GRIA1: variants seen among roughly 807,000 people sequenced by gnomAD.
GRIA1 encodes glutamate receptor 1.
A neutral mutation model predicts 99.2 loss-of-function variants in GRIA1; 31 were observed. The ratio of observed to expected loss-of-function variants is 0.31; its 90% CI spans 0.23 to 0.42. The LOEUF is 0.42. GRIA1 is among the 10% of genes least tolerant of loss of function. The probability of loss-of-function intolerance (pLI) is 1.00; values close to 1 mark genes in which losing one functional copy is unlikely to be tolerated. For missense variants in GRIA1, 782 were observed against 1,157.5 expected (o/e 0.68, Z 4.71); for synonymous variants, 438 against 432.4 (o/e 1.01, Z -0.16).
intron 2 of GRIA1, among the ~76,000 whole-genome samples, chr5:153,502,942 A>G (rs1755148730): frequency 6.6e-6 from 1 of 152,196 alleles, no homozygotes; most frequent in Non-Finnish European, 1.5e-5. Context: ...TCCTTTTTTG[A>G]ACCTAACAAT....
chr5:153,718,115 A>G (rs1337300196), intron 11 of GRIA1, among the ~76,000 whole-genome samples: 1 of 152,232 alleles, frequency 6.6e-6, no homozygotes, highest in Non-Finnish European at 1.5e-5. Flanking sequence ...CATTAGGCAC[A>G]AGGCTAACTA....
At chr5:153,693,897 A>G (rs1214730120) in intron 8 of GRIA1, among the ~76,000 whole-genome samples, 1 of 152,234 alleles carries the variant, frequency 6.6e-6, no homozygotes, top group East Asian at 1.9e-4. Flanking sequence ...ATGTCTGTTC[A>G]AAAATCTTTG....
At chr5:153,536,853 C>T (rs1272565579) in intron 2 of GRIA1, among the ~76,000 whole-genome samples, 1 of 152,164 alleles carries the variant, frequency 6.6e-6, no homozygotes, top group Non-Finnish European at 1.5e-5. Context: ...ATCAGTATTG[C>T]CAGTGCCTTC....
intron 2 of GRIA1, among the ~76,000 whole-genome samples, chr5:153,536,670 A>G (rs188025719): frequency 1.3e-4 from 20 of 152,338 alleles, no homozygotes; most frequent in Admixed American, 1.2e-3. Flanking sequence ...GAAAATTTCA[A>G]CTAACATGAT....
chr5:153,652,339 T>A (rs1278179534), intron 4 of GRIA1, among the ~76,000 whole-genome samples: 1 of 152,228 alleles, frequency 6.6e-6, no homozygotes, highest in African/African-American at 2.4e-5. Flanking sequence ...ACTACTATTT[T>A]TTTAGTGTGT....
intron 8 of GRIA1, among the ~76,000 whole-genome samples, chr5:153,696,453 A>G (rs1290666734): frequency 4.6e-5 from 7 of 152,212 alleles, no homozygotes; most frequent in Non-Finnish European, 1.0e-4. Context: ...ACCTCGGGCA[A>G]GTTAACACAC....
chr5:153,672,777 C>T (rs1282224363), intron 5 of GRIA1, among the ~76,000 whole-genome samples: 2 of 152,166 alleles, frequency 1.3e-5, no homozygotes, highest in East Asian at 1.9e-4. Context: ...ACTTCTCCAT[C>T]GACCATGGAT....
At position 153,799,659 on chromosome 5, in the gene GRIA1, C is replaced by T. The variant is rs73801340; in HGVS notation, c.2386-2697C>T. Among the ~76,000 whole-genome samples, 649 of 152,310 alleles carry T rather than the reference C, an allele frequency of 4.3e-3. 3 individuals are homozygous for T. Among genetic ancestry groups the T allele is most frequent in the African/African-American group, 0.015 (615 of 41,566 alleles). ...CTTTCCTGATTCCTCTACTACAGAG[C>T]TGTGTCAGCATAAACAGTGATCAAT... is the stretch of plus-strand genomic sequence containing the variant. On this transcript the variant is annotated intron_variant, in intron 14 of 15. Coordinates refer to ENST00000285900, the MANE Select transcript of GRIA1 (RefSeq NM_000827.4).
chr5:153,601,486 G>A (rs1764957515), intron 2 of GRIA1, among the ~76,000 whole-genome samples: 1 of 152,218 alleles, frequency 6.6e-6, no homozygotes, highest in African/African-American at 2.4e-5. Context: ...TGAAGGTCTT[G>A]GGATTAAGGT....
At chr5:153,726,200 A>C (rs963222531) in intron 11 of GRIA1, among the ~76,000 whole-genome samples, 2 of 151,374 alleles carry the variant, frequency 1.3e-5, no homozygotes, top group African/African-American at 4.9e-5. Context: ...AACGAGAACA[A>C]AGACACAACA....
At chr5:153,584,563 T>C (rs991898709) in intron 2 of GRIA1, among the ~76,000 whole-genome samples, 1 of 152,220 alleles carries the variant, frequency 6.6e-6, no homozygotes, top group Non-Finnish European at 1.5e-5. Flanking sequence ...AATCTATTAT[T>C]AATCAGCTAG....
At chr5:153,495,219 T>G (rs1235619613) in intron 2 of GRIA1, among the ~76,000 whole-genome samples, 2 of 152,232 alleles carry the variant, frequency 1.3e-5, no homozygotes, top group African/African-American at 4.8e-5. Context: ...TACTTTATAG[T>G]CATTTATAGT....
intron 2 of GRIA1, among the ~76,000 whole-genome samples, chr5:153,607,196 C>T (rs1431597590): frequency 1.3e-5 from 2 of 151,440 alleles, no homozygotes; most frequent in African/African-American, 4.8e-5. Flanking sequence ...GACTTGTTTT[C>T]CTCTGGGTAG....
intron 3 of GRIA1, among the ~76,000 whole-genome samples, chr5:153,648,144 GA>G (rs1381497898): frequency 4.6e-5 from 7 of 152,220 alleles, no homozygotes; most frequent in Non-Finnish European, 8.8e-5. Flanking sequence ...AGAGGTTTGT[GA>G]AAGTGATTTT....
chr5:153,686,271 G>C lies in GRIA1; in HGVS notation c.1076G>C (p.Gly359Ala). The change falls in exon 8 of 16, where the codon GGA becomes GCA. Residue 359 changes from glycine (G) to alanine (A), a missense_variant. Gly to Ala is a moderately conservative substitution (Grantham distance 60). Around this residue, in one of 5 missense-constraint regions of GRIA1, gnomAD observed 461 missense variants for 521.7 expected, o/e 0.88. Coordinates refer to ENST00000285900, the MANE Select transcript of GRIA1 (RefSeq NM_000827.4). ...LTGNVQFNEK[G>A]RRTNYTLHVI... ...GGAAACGTGCAGTTTAATGAGAAAGGACGCCGGACCAACTACACGCTCCAC... is the reference window on the plus strand; with the variant it reads ...GGAAACGTGCAGTTTAATGAGAAAGCACGCCGGACCAACTACACGCTCCAC... 6.2e-7 allele frequency: 1 copy of C among 1,614,056 alleles called. No individual in the cohort carries two copies. Among genetic ancestry groups the C allele is most frequent in the Non-Finnish European group, 8.5e-7 (1 of 1,179,904 alleles).
At chr5:153,769,043 A>G (rs1763707331) in intron 12 of GRIA1, among the ~76,000 whole-genome samples, 1 of 152,236 alleles carries the variant, frequency 6.6e-6, no homozygotes, top group African/African-American at 2.4e-5. Flanking sequence ...TGACGGACCC[A>G]CAGGAGGGAA....
intron 2 of GRIA1, among the ~76,000 whole-genome samples, chr5:153,558,475 CATGGA>C (rs1760845677): frequency 6.6e-6 from 1 of 152,112 alleles, no homozygotes; most frequent in South Asian, 2.1e-4. Context: ...ATGTCATCTA[CATGGA>C]ATTCTGCAGG....
intron 2 of GRIA1, among the ~76,000 whole-genome samples, chr5:153,588,023 G>A (rs1487908841): frequency 1.3e-5 from 2 of 152,174 alleles, no homozygotes; most frequent in Admixed American, 1.3e-4. Flanking sequence ...AAGCATTAAG[G>A]TATCGAATGG....
intron 11 of GRIA1, among the ~76,000 whole-genome samples, chr5:153,755,208 A>C (rs761961108): frequency 4.6e-5 from 7 of 152,128 alleles, no homozygotes; most frequent in Non-Finnish European, 8.8e-5. Flanking sequence ...GTTAAGAGAA[A>C]AGCTTTGGTG....
Sources: gnomAD v4.1 joint callset for allele counts (sites outside exome capture counted in the v4.1 genomes callset) on GRCh38, gnomAD v4.1.1 for gene constraint, gnomAD v4.1.1 regional missense constraint, MANE v1.5 for transcripts, NCBI Gene and HGNC (gene_info 2026-07-23, HGNC 2026-07-21) for gene names.